Variants in ST6GAL1 observed in about 807,000 individuals in gnomAD.
ST6GAL1 encodes the protein ST6 beta-galactoside alpha-2,6-sialyltransferase 1.
ST6GAL1 carries 20 observed loss-of-function variants against 38.0 expected under a neutral mutation model. The ratio of observed to expected loss-of-function variants is 0.53; its 90% confidence interval spans 0.37 to 0.77. The LOEUF (loss-of-function observed/expected upper bound fraction) is 0.77, where lower values mean the gene tolerates loss of function less well. Among genes scored for constraint, ST6GAL1 ranks in the 30% least tolerant of loss-of-function variants. The pLI is 0.00. For synonymous variants in ST6GAL1, 196 were observed against 188.2 expected, an observed-to-expected ratio of 1.04 and a Z score of -0.34; for missense variants, 432 against 496.4, an observed-to-expected ratio of 0.87 and a Z score of 1.23.
chr3:186,944,762 G>C (rs944439289), intron 1 of ST6GAL1, among the ~76,000 whole-genome samples: 1 of 152,226 alleles, frequency 6.6e-6, no homozygotes, highest in Non-Finnish European at 1.5e-5. Context: ...ATCATACAAA[G>C]GTGGGCCTTC....
chr3:187,019,375 C>T (rs1224645250), intron 2 of ST6GAL1, among the ~76,000 whole-genome samples: 1 of 152,186 alleles, frequency 6.6e-6, no homozygotes, highest in Non-Finnish European at 1.5e-5. Context: ...ATGCTAGCTG[C>T]TAGAGCAAAT....
At chr3:186,938,317 A>G (rs1382681921) in intron 1 of ST6GAL1, among the ~76,000 whole-genome samples, 1 of 152,234 alleles carries the variant, frequency 6.6e-6, no homozygotes, top group South Asian at 2.1e-4. Flanking sequence ...CTTGCCCACT[A>G]TGTATCGCCT....
chr3:186,946,265 G>A (rs1301877670), intron 1 of ST6GAL1, among the ~76,000 whole-genome samples: 1 of 151,624 alleles, frequency 6.6e-6, no homozygotes, highest in Non-Finnish European at 1.5e-5. Flanking sequence ...GTGAGCTGAG[G>A]TCGTGCCACT....
intron 2 of ST6GAL1, among the ~76,000 whole-genome samples, chr3:187,009,953 C>T (rs771385574): frequency 4.6e-5 from 7 of 151,758 alleles, no homozygotes; most frequent in African/African-American, 7.3e-5. Context: ...TGCGGTGAGC[C>T]GAGATCACGC....
chr3:187,066,398 G>T lies in ST6GAL1; in HGVS notation c.706-6451G>T, dbSNP rs116224936. Among the ~76,000 whole-genome samples the T allele has an allele frequency of 6.1e-3, 925 of 152,114 alleles. 6 individuals are homozygous for T. The highest frequency in any genetic ancestry group is 0.011 in the Non-Finnish European group (736 of 67,986). On this transcript the variant is annotated intron_variant, in intron 5 of 7. Transcript: ENST00000169298. ...AGGACACTGGCCCCATTGGATTAGG[G>T]CCCCACCACATGACACATTTAATCC... is the stretch of plus-strand genomic sequence containing the variant.
intron 2 of ST6GAL1, among the ~76,000 whole-genome samples, chr3:187,000,686 A>G (rs1201863252): frequency 1.3e-5 from 2 of 152,226 alleles, no homozygotes; most frequent in Non-Finnish European, 2.9e-5. Context: ...TCCTATGGCT[A>G]GATATTTAGG....
chr3:186,985,914 C>G (rs1476022688), intron 2 of ST6GAL1, among the ~76,000 whole-genome samples: 1 of 152,178 alleles, frequency 6.6e-6, no homozygotes, highest in Non-Finnish European at 1.5e-5. Context: ...AAGCTGGTCC[C>G]AGGGGAGGCT....
chr3:186,993,441 G>C (rs1716245591), intron 2 of ST6GAL1, among the ~76,000 whole-genome samples: 1 of 152,182 alleles, frequency 6.6e-6, no homozygotes, highest in Non-Finnish European at 1.5e-5. Context: ...AAGACATAAT[G>C]GTGGCCAGAG....
rs770609191 is a variant in ST6GAL1, at chr3:187,051,260, G to T, written c.619G>T (p.Ala207Ser). The change falls in exon 5 of 8, where the codon GCA becomes TCA. Residue 207 changes from alanine to serine, a missense_variant. Ala to Ser is a moderately conservative substitution (Grantham distance 99). Coordinates refer to ENST00000169298, the MANE Select transcript of ST6GAL1 (RefSeq NM_173216.2). ...TTTGTGGTTTATAGATGATCATGAC[G>T]CAGTCCTGAGGTTTAATGGGGCACC... ...QLGREIDDHDAVLRFNGAPTA... is the reference protein window; with the variant it reads ...QLGREIDDHDSVLRFNGAPTA... 1.9e-6 allele frequency: 3 copies of T among 1,613,690 alleles called. No homozygotes were observed. In the South Asian group the frequency reaches 3.3e-5, roughly 18 times the overall value.
intron 4 of ST6GAL1, among the ~76,000 whole-genome samples, chr3:187,049,711 A>G (rs560757032): frequency 6.6e-6 from 1 of 152,270 alleles, no homozygotes; most frequent in Non-Finnish European, 1.5e-5. Flanking sequence ...GAATCTCTCA[A>G]TTACTCCATT....
intron 1 of ST6GAL1, among the ~76,000 whole-genome samples, chr3:186,941,662 A>G (rs571136789): frequency 6.6e-6 from 1 of 152,262 alleles, no homozygotes; most frequent in South Asian, 2.1e-4. Context: ...CTACCCAACA[A>G]TGGAACAAGC....
intron 5 of ST6GAL1, among the ~76,000 whole-genome samples, chr3:187,066,921 G>A (rs1057249966): frequency 2.0e-5 from 3 of 151,944 alleles, no homozygotes; most frequent in Non-Finnish European, 2.9e-5. Flanking sequence ...CCTCAGCAGG[G>A]CCTTACAAGG....
chr3:186,940,775 A>G (rs983455103), intron 1 of ST6GAL1, among the ~76,000 whole-genome samples: 2 of 120,564 alleles, frequency 1.7e-5, no homozygotes, highest in Non-Finnish European at 3.3e-5. Flanking sequence ...AGGTCTTCCC[A>G]TGTCAGTGTT....
At chr3:187,009,843 A>G (rs2108557909) in intron 2 of ST6GAL1, among the ~76,000 whole-genome samples, 1 of 152,046 alleles carries the variant, frequency 6.6e-6, no homozygotes, top group African/African-American at 2.4e-5. Flanking sequence ...GTCTCTACTA[A>G]AAAATACAAT....
At position 187,077,868 on chromosome 3, in the gene ST6GAL1, C is replaced by T. The variant is rs1185792445; in HGVS notation, c.*2065C>T. 6.6e-6 allele frequency: 1 copy of T among 152,520 alleles called. No homozygotes were observed. The highest frequency in any genetic ancestry group is 1.5e-5 in the Non-Finnish European group (1 of 68,092). 9.4% of individuals were successfully genotyped at this position (152,520 alleles called of 1,614,324 possible). A position where few individuals can be genotyped will look rare whatever the true frequency, so the allele number is the denominator to read the frequency against. ...ACAACAACTGTCCTCCTTGGAACACCCAAGAAACCATGCAAAGCAGTGGAC... is the reference window on the plus strand; with the variant it reads ...ACAACAACTGTCCTCCTTGGAACACTCAAGAAACCATGCAAAGCAGTGGAC... On this transcript the variant is annotated 3_prime_UTR_variant, in exon 8 of 8. Transcript: ENST00000169298.
chr3:187,073,050 T>G, intron 6 of ST6GAL1, 103 bp downstream of exon 6: 1 of 893,258 alleles, frequency 1.1e-6, no homozygotes, highest in East Asian at 2.5e-5. Flanking sequence ...TGGCTATTCC[T>G]AAAGGCTGGG....
chr3:187,044,822 A>G (rs543326115), intron 4 of ST6GAL1, among the ~76,000 whole-genome samples: 9 of 152,302 alleles, frequency 5.9e-5, no homozygotes, highest in African/African-American at 1.9e-4. Flanking sequence ...AATACAAATA[A>G]TATTTTTCTA....
rs77567407 is a variant in ST6GAL1, at chr3:186,951,916, T to G, written c.-324-11869T>G. ...TGCTTCCTAATTTATGGATGGTGCT[T>G]TTTCACCGTGTCCTCATGTGCTAAC... is the stretch of plus-strand genomic sequence containing the variant. On this transcript the variant is annotated intron_variant, in intron 1 of 7. Coordinates refer to ENST00000169298, the MANE Select transcript of ST6GAL1 (RefSeq NM_173216.2). Among the ~76,000 whole-genome samples the G allele has an allele frequency of 7.0e-3, 1,071 of 152,270 alleles. 9 individuals carry two copies. The highest frequency in any genetic ancestry group is 0.025 in the African/African-American group (1,028 of 41,546).
intron 2 of ST6GAL1, chr3:187,025,527 T>G (rs1055107246): frequency 1.3e-5 from 2 of 152,424 alleles, no homozygotes; most frequent in African/African-American, 2.4e-5. Context: ...GGTGAGCATG[T>G]GGGAGATGCC....
Sources: gnomAD v4.1 joint callset for allele counts (sites outside exome capture counted in the v4.1 genomes callset) on GRCh38, gnomAD v4.1.1 for gene constraint, MANE v1.5 for transcripts, NCBI Gene and HGNC (gene_info 2026-07-23, HGNC 2026-07-21) for gene names.